The following TNFRSF10B variants were observed in gnomAD, a reference collection of about 807,000 sequenced individuals.
TNFRSF10B encodes tumor necrosis factor receptor superfamily member 10B.
A neutral mutation model predicts 41.4 loss-of-function variants in TNFRSF10B; 35 were observed. The ratio of observed to expected loss-of-function variants is 0.85; its 90% CI spans 0.65 to 1.12. The LOEUF is 1.12. Ranked by LOEUF, TNFRSF10B falls within the 50% of genes most tolerant of loss-of-function variation. The pLI is 0.00. For missense variants in TNFRSF10B, 584 were observed against 552.7 expected (o/e 1.06, Z -0.57); for synonymous variants, 230 against 215.5 (o/e 1.07, Z -0.59).
chr8:23,067,398 G>A (rs1467620012), intron 1 of TNFRSF10B, among the ~76,000 whole-genome samples: 1 of 151,588 alleles, frequency 6.6e-6, no homozygotes, highest in Non-Finnish European at 1.5e-5. Flanking sequence ...CAAGTAGAAA[G>A]AACATGAAAG....
chr8:23,027,515 A>G lies in TNFRSF10B; in HGVS notation c.780+207T>C. On this transcript the variant is annotated intron_variant, in intron 6 of 8. Transcript: ENST00000276431. ...CTAGGGTGCAGGCTGTGGGGTGAGG[A>G]TGTCACCTGGGCTGCAGCAGGGCTC... is the stretch of plus-strand genomic sequence containing the variant. 6 of 783,600 alleles carry G rather than the reference A, an allele frequency of 7.7e-6. No individual in the cohort carries two copies. The South Asian group carries it at 1.0e-4, about 13-fold the overall frequency. 48.5% of individuals were successfully genotyped at this position (783,600 alleles called of 1,614,324 possible). A position where few individuals can be genotyped will look rare whatever the true frequency, so the allele number is the denominator to read the frequency against.
chr8:23,049,051 C>T (rs1161470268), intron 1 of TNFRSF10B, among the ~76,000 whole-genome samples: 2 of 152,150 alleles, frequency 1.3e-5, no homozygotes, highest in Non-Finnish European at 2.9e-5. Flanking sequence ...TTAAAAACAA[C>T]AGCATGGAAA....
intron 1 of TNFRSF10B, chr8:23,050,076 C>T (rs753040375): frequency 1.3e-5 from 2 of 152,342 alleles, no homozygotes; most frequent in Non-Finnish European, 2.9e-5. Flanking sequence ...AAGGAGCGGA[C>T]GTGCTCAAAG....
chr8:23,023,005 G>C lies in TNFRSF10B; in HGVS notation c.1010-21C>G, dbSNP rs369085190. 25 of 1,606,800 alleles carry C rather than the reference G, an allele frequency of 1.6e-5. No individual in the cohort carries two copies. The African/African-American group carries it at 2.5e-4, about 16-fold the overall frequency. On this transcript the variant is annotated intron_variant, in intron 8 of 8. Coordinates refer to ENST00000276431, the MANE Select transcript of TNFRSF10B (RefSeq NM_003842.5). ...CAGAGCTGGTGGAGAAAGCCACAGAGACAGCCAGGTGAGTTGGGACTCAGA... is the reference window on the plus strand; with the variant it reads ...CAGAGCTGGTGGAGAAAGCCACAGACACAGCCAGGTGAGTTGGGACTCAGA...
intron 1 of TNFRSF10B, among the ~76,000 whole-genome samples, chr8:23,050,544 C>T (rs1488245316): frequency 1.3e-5 from 2 of 151,768 alleles, no homozygotes; most frequent in Non-Finnish European, 2.9e-5. Flanking sequence ...AGGGCCTTAT[C>T]TTTTTGAGCA....
In TNFRSF10B at chr8:23,023,324, T is replaced by C. The variant is rs189412331; in HGVS notation, c.1010-340A>G. On this transcript the variant is annotated intron_variant, in intron 8 of 8. Coordinates refer to ENST00000276431, the MANE Select transcript of TNFRSF10B (RefSeq NM_003842.5). ...GAGAGACAGTGGCTGCAGCGGGAGC[T>C]TAGAGGAGGGAGGAGGCTGCCTGGG... 3.0e-3 allele frequency among the ~76,000 whole-genome samples: 457 copies of C among 152,144 alleles called. 3 individuals carry two copies. Among genetic ancestry groups the C allele is most frequent in the Non-Finnish European group, 2.7e-3 (181 of 67,972 alleles).
At chr8:23,031,550 G>T (rs1428959646) in intron 2 of TNFRSF10B, among the ~76,000 whole-genome samples, 14 of 151,942 alleles carry the variant, frequency 9.2e-5, no homozygotes, top group Non-Finnish European at 2.1e-4. Flanking sequence ...ACCACACCGG[G>T]TTAATTTTTA....
At chr8:23,053,368 G>T (rs28882802) in intron 1 of TNFRSF10B, among the ~76,000 whole-genome samples, 14,510 of 152,268 alleles carry the variant, frequency 0.095, 1,254 homozygotes, top group African/African-American at 0.24. Flanking sequence ...CAGTTTACAT[G>T]CAAGTTGTGT....
At chr8:23,042,081 C>T (rs1812217960) in intron 2 of TNFRSF10B, among the ~76,000 whole-genome samples, 1 of 152,224 alleles carries the variant, frequency 6.6e-6, no homozygotes, top group South Asian at 2.1e-4. Flanking sequence ...TCCTCATTCC[C>T]CACACGTCAT....
intron 1 of TNFRSF10B, among the ~76,000 whole-genome samples, chr8:23,045,320 G>C (rs1812327460): frequency 2.0e-5 from 3 of 151,914 alleles, no homozygotes; most frequent in Admixed American, 6.6e-5. Context: ...TATGCCAAAG[G>C]ATTGAACCAC....
In TNFRSF10B at chr8:23,020,385, G is replaced by A. The variant is rs914014486; in HGVS notation, c.*2286C>T. On this transcript the variant is annotated 3_prime_UTR_variant, in exon 9 of 9. Transcript: ENST00000276431. ...ACAAAACCCCCAATTATTTCATGTCGTCAGGAAGCTTACTTTAAAAGAATA... is the reference window on the plus strand; with the variant it reads ...ACAAAACCCCCAATTATTTCATGTCATCAGGAAGCTTACTTTAAAAGAATA... The A allele has an allele frequency of 5.1e-5, 23 of 453,974 alleles. No homozygotes were observed. Among genetic ancestry groups the A allele is most frequent in the African/African-American group, 2.2e-4 (11 of 50,078 alleles). The allele number at this position is 453,974 out of a possible 1,614,324, so 28.1% of individuals were successfully genotyped here. A position where few individuals can be genotyped will look rare whatever the true frequency, so the allele number is the denominator to read the frequency against.
intron 2 of TNFRSF10B, among the ~76,000 whole-genome samples, chr8:23,037,856 A>G (rs1812067677): frequency 6.6e-6 from 1 of 152,178 alleles, no homozygotes; most frequent in South Asian, 2.1e-4. Context: ...CCAGGAATCT[A>G]GGGGTGGAAG....
Position 23,022,432 on chromosome 8 carries a change from G to T in TNFRSF10B, c.*239C>A. ...ACCAAATCTCAAAGTACGCACAAAC[G>T]GAATGATCCAGACATTTCCATAGTG... On this transcript the variant is annotated 3_prime_UTR_variant, in exon 9 of 9. Coordinates refer to ENST00000276431, the MANE Select transcript of TNFRSF10B (RefSeq NM_003842.5). 3.1e-6 allele frequency: 2 copies of T among 646,120 alleles called. No homozygotes were observed. The highest frequency in any genetic ancestry group is 2.8e-6 in the Non-Finnish European group (1 of 351,514). The allele number at this position is 646,120 out of a possible 1,614,324, so 40.0% of individuals were successfully genotyped here.
At position 23,062,097 on chromosome 8, in the gene TNFRSF10B, A is replaced by T. The variant is rs7004478; in HGVS notation, c.144+6654T>A. On this transcript the variant is annotated intron_variant, in intron 1 of 8. Coordinates refer to ENST00000276431, the MANE Select transcript of TNFRSF10B (RefSeq NM_003842.5). ...TTCAAGTTTTTGAAAGAGTTTGAGAAGTAGTGGTATTAGCTCTTCATTAAA... is the reference window on the plus strand; with the variant it reads ...TTCAAGTTTTTGAAAGAGTTTGAGATGTAGTGGTATTAGCTCTTCATTAAA... Among the ~76,000 whole-genome samples, 1,278 of 152,280 alleles carry T rather than the reference A, an allele frequency of 8.4e-3. 22 individuals are homozygous for T. The highest frequency in any genetic ancestry group is 0.029 in the African/African-American group (1,203 of 41,556).
rs536473008 is a variant in TNFRSF10B, at chr8:23,068,870, G to A, written c.25C>T (p.Pro9Ser). The change falls in exon 1 of 9, where the codon CCG becomes TCG. Residue 9 changes from proline to serine, a missense_variant. Pro to Ser is a moderately conservative substitution (Grantham distance 74). Transcript: ENST00000276431. ...CTTTTCCGGGCCCCCGAAGCGGCCG[G>A]GGCGTTCTGTCCCCGTTGTTCCATG... is the stretch of plus-strand genomic sequence containing the variant. MEQRGQNA[P>S]AASGARKRHG... 2.5e-6 allele frequency: 4 copies of A among 1,613,492 alleles called. No individual in the cohort carries two copies. The South Asian group carries it at 3.3e-5, about 13-fold the overall frequency.
intron 1 of TNFRSF10B, among the ~76,000 whole-genome samples, chr8:23,046,404 T>G (rs930604369): frequency 7.9e-5 from 12 of 151,548 alleles, no homozygotes; most frequent in Middle Eastern, 3.4e-3. Flanking sequence ...TTAAAAACCG[T>G]AAAACACTAA....
chr8:23,065,997 C>T (rs1323207048), intron 1 of TNFRSF10B, among the ~76,000 whole-genome samples: 1 of 152,140 alleles, frequency 6.6e-6, no homozygotes, highest in Non-Finnish European at 1.5e-5. Flanking sequence ...CCACCAAAAT[C>T]ATAGGTTGCG....
At chr8:23,036,639 G>A (rs1450334559) in intron 2 of TNFRSF10B, among the ~76,000 whole-genome samples, 1 of 152,236 alleles carries the variant, frequency 6.6e-6, no homozygotes, top group Non-Finnish European at 1.5e-5. Context: ...GAGGTCAGGA[G>A]TTCGAGACTG....
At chr8:23,040,337 TTTA>T (rs1563314024) in intron 2 of TNFRSF10B, among the ~76,000 whole-genome samples, 1 of 85,132 alleles carries the variant, frequency 1.2e-5, no homozygotes, top group Non-Finnish European at 2.7e-5. Flanking sequence ...AAAATATATA[TTTA>T]TTAAATATAT....
Sources: allele counts gnomAD v4.1 joint callset (sites outside exome capture counted in the v4.1 genomes callset), GRCh38; gene constraint gnomAD v4.1.1; transcripts MANE v1.5; gene names NCBI Gene and HGNC (gene_info 2026-07-23, HGNC 2026-07-21).